Variants in MBNL2 observed in about 807,000 individuals in gnomAD.
MBNL2 encodes the protein muscleblind like splicing regulator 2.
MBNL2 carries 17 observed loss-of-function variants against 41.9 expected under a neutral mutation model. The ratio of observed to expected loss-of-function variants is 0.41; its 90% CI spans 0.28 to 0.61. The LOEUF (loss-of-function observed/expected upper bound fraction) is 0.61, where lower values mean the gene tolerates loss of function less well. Among genes scored for constraint, MBNL2 ranks in the 20% least tolerant of loss-of-function variants. The probability of loss-of-function intolerance (pLI) is 0.35; values close to 1 mark genes in which losing one functional copy is unlikely to be tolerated. For missense variants in MBNL2, 336 were observed against 505.6 expected (o/e 0.66, Z 3.22); for synonymous variants, 195 against 182.9 (o/e 1.07, Z -0.53).
chr13:97,251,890 CCGGACTG>C (rs1483938519), intron 1 of MBNL2, among the ~76,000 whole-genome samples: 1 of 138,146 alleles, frequency 7.2e-6, no homozygotes, highest in South Asian at 2.4e-4. Context: ...GTCGCCCAGG[CCGGACTG>C]CGGACTGCAG....
intron 3 of MBNL2, among the ~76,000 whole-genome samples, chr13:97,339,288 G>A (rs2061223629): frequency 2.8e-5 from 1 of 35,964 alleles, no homozygotes; most frequent in South Asian, 9.1e-4. Context: ...GTGTGTGTGG[G>A]TGTGTTTGTC....
In MBNL2 at chr13:97,346,299, A is replaced by G. The variant is rs2061855878; in HGVS notation, c.541-505A>G. On this transcript the variant is annotated intron_variant, in intron 4 of 8. Transcript: ENST00000679496. This position sits in a 1 kb window ranked among gnomAD's most constrained non-coding sequence, Gnocchi z 4.2. The stretch of plus-strand genomic sequence containing the variant: ...TAGATGGATGGGTGGATGGATAGAT[A>G]GATGGATAATAGATAATAGAGGGAT... 6.6e-6 allele frequency among the ~76,000 whole-genome samples: 1 copy of G among 152,102 alleles called. No individual in the cohort carries two copies. Among genetic ancestry groups the G allele is most frequent in the South Asian group, 2.1e-4 (1 of 4,824 alleles).
intron 2 of MBNL2, among the ~76,000 whole-genome samples, chr13:97,324,473 A>C (rs945667099): frequency 6.6e-6 from 1 of 152,182 alleles, no homozygotes; most frequent in Non-Finnish European, 1.5e-5. Flanking sequence ...CTATTCACCC[A>C]TGGGGCTGCA....
intron 1 of MBNL2, among the ~76,000 whole-genome samples, chr13:97,269,695 A>G (rs1350192092): frequency 6.6e-6 from 1 of 152,180 alleles, no homozygotes; most frequent in Non-Finnish European, 1.5e-5. Context: ...TGACACTTGG[A>G]AAAACCTCTC....
intron 1 of MBNL2, among the ~76,000 whole-genome samples, chr13:97,257,643 A>G (rs2047804316): frequency 6.6e-6 from 1 of 152,216 alleles, no homozygotes; most frequent in Non-Finnish European, 1.5e-5. Flanking sequence ...TATGATGCCA[A>G]AGCACACACC....
the MBNL2 span, among the ~76,000 whole-genome samples, chr13:97,156,966 T>G: frequency 6.6e-6 from 1 of 151,276 alleles, no homozygotes; most frequent in Non-Finnish European, 1.5e-5. Flanking sequence ...TGGCATTGAG[T>G]CTGTAAATTA....
intron 2 of MBNL2, among the ~76,000 whole-genome samples, chr13:97,308,990 G>A (rs2058353459): frequency 6.6e-6 from 1 of 152,184 alleles, no homozygotes; most frequent in South Asian, 2.1e-4. Context: ...ATGGGCCTGT[G>A]GGGGTGAAGT....
At chr13:97,208,641 T>C in the MBNL2 span, among the ~76,000 whole-genome samples, 2 of 152,014 alleles carry the variant, frequency 1.3e-5, no homozygotes, top group Non-Finnish European at 2.9e-5. Flanking sequence ...TTTGGAAAAA[T>C]AATGACAAAA....
chr13:97,269,813 T>C (rs937543867), intron 1 of MBNL2, among the ~76,000 whole-genome samples: 9 of 152,086 alleles, frequency 5.9e-5, no homozygotes, highest in Non-Finnish European at 1.2e-4. Flanking sequence ...TCTAGGCACC[T>C]CCCTGCTCTC....
chr13:97,205,671 C>T, the MBNL2 span, among the ~76,000 whole-genome samples: 1 of 152,150 alleles, frequency 6.6e-6, no homozygotes, highest in Non-Finnish European at 1.5e-5. Context: ...AAGGTGACAG[C>T]TGTTTTTTGT....
chr13:97,371,592 T>C (rs1175635687), intron 8 of MBNL2, among the ~76,000 whole-genome samples: 1 of 151,952 alleles, frequency 6.6e-6, no homozygotes, highest in Non-Finnish European at 1.5e-5. Context: ...ACTTGGCCAC[T>C]GAAGGATTTT....
chr13:97,200,231 T>G, the MBNL2 span, among the ~76,000 whole-genome samples: 2 of 152,160 alleles, frequency 1.3e-5, no homozygotes, highest in African/African-American at 2.4e-5. Flanking sequence ...GGAGCAGATC[T>G]TTGGGGAATT....
chr13:97,318,698 A>C (rs1211874842), intron 2 of MBNL2, among the ~76,000 whole-genome samples: 1 of 152,246 alleles, frequency 6.6e-6, no homozygotes, highest in East Asian at 1.9e-4. Context: ...CAGCAGTGAC[A>C]GATGAAGAAC....
At chr13:97,303,882 C>G (rs2153005979) in intron 2 of MBNL2, among the ~76,000 whole-genome samples, 1 of 152,148 alleles carries the variant, frequency 6.6e-6, no homozygotes, top group African/African-American at 2.4e-5. Context: ...GAAATTCTAC[C>G]AGGATTTTAC....
chr13:97,339,297 T>C (rs2061225837), intron 3 of MBNL2, among the ~76,000 whole-genome samples: 1 of 17,450 alleles, frequency 5.7e-5, no homozygotes, highest in African/African-American at 2.4e-4. Flanking sequence ...GGTGTGTTTG[T>C]CATCTTTGAA....
In MBNL2 at chr13:97,274,210, C is replaced by T. The variant is rs575250556; in HGVS notation, c.-604-1422C>T. Among the ~76,000 whole-genome samples, 66 of 152,176 alleles carry T rather than the reference C, an allele frequency of 4.3e-4. 1 individual carries two copies. Among genetic ancestry groups the T allele is most frequent in the Middle Eastern group, 3.4e-3 (1 of 294 alleles). ...GTGAACCACTTAAAAATTATTGGGC[C>T]GGGCACGGTGGCTCACGCCTGTAAT... On this transcript the variant is annotated intron_variant, in intron 1 of 8. Transcript: ENST00000679496.
chr13:97,352,035 T>TATAAATAAATAA (rs146632066), intron 5 of MBNL2, among the ~76,000 whole-genome samples: 7,326 of 148,662 alleles, frequency 0.049, 194 homozygotes, highest in Non-Finnish European at 0.064. Flanking sequence ...AAAATAAAAA[T>TATAAATAAATAA]ATAAATAAAT....
intron 1 of MBNL2, among the ~76,000 whole-genome samples, chr13:97,259,932 C>G (rs1407812886): frequency 6.6e-6 from 1 of 152,194 alleles, no homozygotes; most frequent in African/African-American, 2.4e-5. Flanking sequence ...AATATCTATT[C>G]ACTGCTCACT....
chr13:97,212,922 T>C, the MBNL2 span, among the ~76,000 whole-genome samples: 2 of 152,264 alleles, frequency 1.3e-5, no homozygotes, highest in African/African-American at 2.4e-5. Flanking sequence ...GTTATGCCCA[T>C]AGGTCACTAG....
Sources: gnomAD v4.1 joint callset for allele counts (sites outside exome capture counted in the v4.1 genomes callset) on GRCh38, gnomAD v4.1.1 for gene constraint, Gnocchi (gnomAD v3.1) non-coding constraint, MANE v1.5 for transcripts, NCBI Gene and HGNC (gene_info 2026-07-23, HGNC 2026-07-21) for gene names.